The following RYR3 variants were observed in gnomAD, a reference collection of about 807,000 sequenced individuals.
RYR3 encodes the protein ryanodine receptor 3.
In RYR3, 207 loss-of-function variants were observed where a neutral mutation model predicts 584.3. That is an observed-to-expected ratio of 0.35 (90% CI 0.32 to 0.40). The LOEUF (loss-of-function observed/expected upper bound fraction) is 0.40, where lower values mean the gene tolerates loss of function less well. RYR3 is among the 10% of genes least tolerant of loss of function. The pLI is 1.00. For synonymous variants in RYR3, 2,416 were observed against 2,248.5 expected, an observed-to-expected ratio of 1.07 and a Z score of -2.11; for missense variants, 5,616 against 6,089.2, an observed-to-expected ratio of 0.92 and a Z score of 2.59.
intron 1 of RYR3, among the ~76,000 whole-genome samples, chr15:33,456,051 CTG>C (rs1291127533): frequency 6.6e-6 from 1 of 152,152 alleles, no homozygotes; most frequent in Non-Finnish European, 1.5e-5. Context: ...GTGTGAATAA[CTG>C]TAATCTAATC....
intron 27 of RYR3, among the ~76,000 whole-genome samples, chr15:33,639,632 G>T (rs1442008442): frequency 6.6e-6 from 1 of 152,148 alleles, no homozygotes; most frequent in African/African-American, 2.4e-5. Context: ...TTTGATTTCA[G>T]TCATTACCCC....
chr15:33,854,401 A>C lies in RYR3; in HGVS notation c.13812A>C (p.Ile4604=). ...AASLVSWLSS[I]DMKYHIWKLG... The stretch of plus-strand genomic sequence containing the variant: ...TGTTCTTCTCTAGGCTAAGTTCCAT[A>C]GACATGAAGTACCATATCTGGAAGC... The change falls in exon 97 of 104, where the codon ATA becomes ATC. Residue 4604 remains isoleucine, a synonymous_variant. Transcript: ENST00000634891. 1 of 1,574,526 alleles carries C rather than the reference A, an allele frequency of 6.4e-7. No homozygotes were observed. Among genetic ancestry groups the C allele is most frequent in the Non-Finnish European group, 8.6e-7 (1 of 1,158,168 alleles).
At chr15:33,638,021 T>C (rs2061593185) in intron 27 of RYR3, among the ~76,000 whole-genome samples, 1 of 152,156 alleles carries the variant, frequency 6.6e-6, no homozygotes, top group Non-Finnish European at 1.5e-5. Context: ...TCTCATCCTT[T>C]CAAGGTTTTT....
chr15:33,562,077 C>T (rs933377892), intron 10 of RYR3, among the ~76,000 whole-genome samples: 3 of 152,094 alleles, frequency 2.0e-5, no homozygotes, highest in African/African-American at 7.2e-5. Flanking sequence ...ACCACGGAGG[C>T]CCTGATTGAT....
chr15:33,659,344 A>G (rs2063009140), intron 32 of RYR3, among the ~76,000 whole-genome samples: 1 of 152,192 alleles, frequency 6.6e-6, no homozygotes, highest in Non-Finnish European at 1.5e-5. Flanking sequence ...GCCATGTGCC[A>G]CGTGTCTTTG....
chr15:33,722,778 T>TCGGCC lies in RYR3; in HGVS notation c.6690_6694dup (p.Leu2232ArgfsTer64). 6.2e-7 allele frequency: 1 copy of TCGGCC among 1,613,332 alleles called. No individual in the cohort carries two copies. The highest frequency in any genetic ancestry group is 8.5e-7 in the Non-Finnish European group (1 of 1,179,664). ...CTGCTCATCAGACGCCCAGAGTGCT[T>TCGGCC]CGGCCCGGCCCTGCGGGGTGAGGGG... On this transcript the variant is annotated frameshift_variant, in exon 44 of 104. Transcript: ENST00000634891. LOFTEE classifies it high-confidence loss of function.
chr15:33,665,770 G>A (rs1424994789), intron 36 of RYR3, among the ~76,000 whole-genome samples: 1 of 152,230 alleles, frequency 6.6e-6, no homozygotes, highest in Non-Finnish European at 1.5e-5. Context: ...TTGGCACAGT[G>A]CAAATAATCT....
At chr15:33,338,611 T>A (rs1971433971) in intron 1 of RYR3, among the ~76,000 whole-genome samples, 1 of 152,102 alleles carries the variant, frequency 6.6e-6, no homozygotes, top group African/African-American at 2.4e-5. Context: ...GGGGGAGGCA[T>A]GTAGCTTTTC....
chr15:33,605,596 A>T (rs905649228), intron 18 of RYR3, among the ~76,000 whole-genome samples: 1 of 152,202 alleles, frequency 6.6e-6, no homozygotes, highest in African/African-American at 2.4e-5. Flanking sequence ...TGGAGAAACC[A>T]GTGTCTCCAA....
intron 87 of RYR3, 107 bp from the exon 88 acceptor site, chr15:33,836,799 T>G: frequency 1.3e-6 from 1 of 751,476 alleles, no homozygotes; most frequent in Non-Finnish European, 2.2e-6. Context: ...TTCCCGACAC[T>G]GATGCAGCCT....
In RYR3 at chr15:33,484,196, G is replaced by A. The variant is rs141642393; in HGVS notation, c.171+10658G>A. Among the ~76,000 whole-genome samples the A allele has an allele frequency of 1.9e-3, 290 of 152,042 alleles. 1 individual carries two copies. The highest frequency in any genetic ancestry group is 3.2e-3 in the Non-Finnish European group (216 of 67,966). On this transcript the variant is annotated intron_variant, in intron 2 of 103. Transcript: ENST00000634891. ...ATGAAGAAGAGAAAAAAAAAATGAC[G>A]GTTGAAGTAGAATTGAAGTCTTATA...
chr15:33,496,673 T>C (rs2051453589), intron 2 of RYR3, among the ~76,000 whole-genome samples: 1 of 152,120 alleles, frequency 6.6e-6, no homozygotes, highest in Non-Finnish European at 1.5e-5. Context: ...ACTCTCCCAT[T>C]TGGATCATTC....
At chr15:33,391,424 G>A (rs145851206) in intron 1 of RYR3, among the ~76,000 whole-genome samples, 4,668 of 152,054 alleles carry the variant, frequency 0.031, 230 homozygotes, top group African/African-American at 0.11. Flanking sequence ...TCAGGAGATC[G>A]AGACCATCCT....
chr15:33,769,672 G>A (rs2073407514), intron 62 of RYR3, among the ~76,000 whole-genome samples: 1 of 152,208 alleles, frequency 6.6e-6, no homozygotes. Context: ...GAGAGACGCA[G>A]GCCAGGCGCG....
rs868166460 is a variant in RYR3, at chr15:33,566,596, A to G, written c.1147-82A>G. On this transcript the variant is annotated intron_variant, in intron 11 of 103. Coordinates refer to ENST00000634891, the MANE Select transcript of RYR3 (RefSeq NM_001036.6). The stretch of plus-strand genomic sequence containing the variant: ...TTTGGAGAAAGGAATAAGAGGGATG[A>G]GGGCAATACTGCGGGAAATGTTGAC... 8 of 1,423,202 alleles carry G rather than the reference A, an allele frequency of 5.6e-6. No individual in the cohort carries two copies. The African/African-American group carries it at 8.4e-5, about 15-fold the overall frequency. 88.2% of individuals were successfully genotyped at this position (1,423,202 alleles called of 1,614,324 possible). A position where few individuals can be genotyped will look rare whatever the true frequency, so the allele number is the denominator to read the frequency against.
intron 64 of RYR3, 95 bp from the exon 65 acceptor site, chr15:33,780,116 G>A: frequency 1.4e-6 from 2 of 1,455,242 alleles, no homozygotes; most frequent in South Asian, 1.3e-5. Flanking sequence ...GCCTAGGGAT[G>A]TCCATGGATT....
chr15:33,714,621 G>T (rs1387334973), intron 43 of RYR3, among the ~76,000 whole-genome samples: 1 of 152,182 alleles, frequency 6.6e-6, no homozygotes, highest in Non-Finnish European at 1.5e-5. Flanking sequence ...AAAGGGAAAA[G>T]TTATTCTGTG....
chr15:33,414,794 G>A (rs957590968), intron 1 of RYR3, among the ~76,000 whole-genome samples: 4 of 152,142 alleles, frequency 2.6e-5, no homozygotes, highest in East Asian at 1.9e-4. Flanking sequence ...GGGTTTCACC[G>A]TGTTAGCCAG....
At chr15:33,575,668 A>G (rs535720637) in intron 12 of RYR3, among the ~76,000 whole-genome samples, 1 of 152,256 alleles carries the variant, frequency 6.6e-6, no homozygotes, top group East Asian at 1.9e-4. Context: ...AGCTAGAAAG[A>G]TCTCAAATTG....
Sources: gnomAD v4.1 joint callset for allele counts (sites outside exome capture counted in the v4.1 genomes callset) on GRCh38, gnomAD v4.1.1 for gene constraint, MANE v1.5 for transcripts, NCBI Gene and HGNC (gene_info 2026-07-23, HGNC 2026-07-21) for gene names.